MORC1: variants seen among roughly 807,000 people sequenced by gnomAD.
MORC1 encodes the protein MORC family CW-type zinc finger 1, also known as MORC family CW-type zinc finger protein 1.
In MORC1, 59 loss-of-function variants were observed where a neutral mutation model predicts 134.9. The ratio of observed to expected loss-of-function variants is 0.44; its 90% CI spans 0.35 to 0.54. MORC1 has a LOEUF of 0.54. MORC1 is among the 20% of genes least tolerant of loss of function. The pLI, the probability that MORC1 is intolerant of heterozygous loss-of-function variation, is 0.00. For synonymous variants in MORC1, 395 were observed against 391.7 expected (o/e 1.01, Z -0.10); for missense variants, 947 against 1,134.5 (o/e 0.83, Z 2.37).
chr3:109,103,554 C>T (rs962332686), intron 4 of MORC1, among the ~76,000 whole-genome samples: 1 of 152,178 alleles, frequency 6.6e-6, no homozygotes, highest in Non-Finnish European at 1.5e-5. Context: ...TATTCAGTGA[C>T]TATTTGTTTT....
Position 109,114,426 on chromosome 3 carries a change from C to T in MORC1, c.77G>A (p.Ser26Asn). The change falls in exon 2 of 28, where the codon AGT becomes AAT. Residue 26 changes from serine (S) to asparagine (N), a missense_variant. By Grantham distance (46) the Ser-to-Asn change is conservative. Coordinates refer to ENST00000232603, the MANE Select transcript of MORC1 (RefSeq NM_014429.4). ...TTCAGCCAGTGCTCCAAAAAGGAAA[C>T]TGTGAGTGGTGCTGATGAAGAAATA... ...DFIHANSTTH[S>N]FLFGALAELL... 6.2e-7 allele frequency: 1 copy of T among 1,613,148 alleles called. No homozygotes were observed. The highest frequency in any genetic ancestry group is 8.5e-7 in the Non-Finnish European group (1 of 1,179,460).
At chr3:109,094,848 C>T (rs1950799263) in intron 7 of MORC1, 61 bp downstream of exon 7, 2 of 1,454,596 alleles carry the variant, frequency 1.4e-6, no homozygotes, top group African/African-American at 1.4e-5. Flanking sequence ...TGTACAGTGT[C>T]TTTGATAAGA....
At chr3:109,032,620 A>T (rs1949266494) in intron 16 of MORC1, 100 bp downstream of exon 16, 1 of 800,736 alleles carries the variant, frequency 1.2e-6, no homozygotes, top group Non-Finnish European at 2.0e-6. Context: ...CCAGATACTA[A>T]GCTAAAATCT....
intron 17 of MORC1, 128 bp downstream of exon 17, chr3:109,027,623 G>T: frequency 5.0e-6 from 6 of 1,202,058 alleles, no homozygotes; most frequent in African/African-American, 1.6e-5. Context: ...AAAATTAAAA[G>T]ATGTCAAAAA....
chr3:109,004,794 C>T (rs768887253), intron 20 of MORC1, 23 bp downstream of exon 20: 3 of 1,603,350 alleles, frequency 1.9e-6, no homozygotes, highest in African/African-American at 1.3e-5. Context: ...CCCTTAAATA[C>T]AAATTTAAAA....
intron 12 of MORC1, 60 bp downstream of exon 12, chr3:109,059,746 C>G (rs1388523301): frequency 6.8e-7 from 1 of 1,472,854 alleles, no homozygotes; most frequent in Non-Finnish European, 9.3e-7. Context: ...TACTTAGAAA[C>G]CAGAATTTGT....
At chr3:108,969,298 G>C (rs1235385935) in intron 26 of MORC1, among the ~76,000 whole-genome samples, 1 of 151,946 alleles carries the variant, frequency 6.6e-6, no homozygotes, top group Non-Finnish European at 1.5e-5. Flanking sequence ...CTATTGATAA[G>C]GTACTTAAAA....
chr3:108,971,512 A>G (rs1576580303), intron 24 of MORC1, 110 bp from the exon 25 acceptor site: 1 of 851,810 alleles, frequency 1.2e-6, no homozygotes, highest in Middle Eastern at 2.3e-4. Flanking sequence ...GGCAAAGATG[A>G]ACATTAGTTC....
At chr3:109,052,969 A>G (rs1949864334) in intron 14 of MORC1, among the ~76,000 whole-genome samples, 1 of 152,138 alleles carries the variant, frequency 6.6e-6, no homozygotes, top group Non-Finnish European at 1.5e-5. Flanking sequence ...ACAAACAGAT[A>G]CTTCTCAGAA....
At chr3:108,974,710 G>T (rs1423968350) in intron 24 of MORC1, among the ~76,000 whole-genome samples, 2 of 152,174 alleles carry the variant, frequency 1.3e-5, no homozygotes, top group Non-Finnish European at 2.9e-5. Flanking sequence ...CATTTACTCA[G>T]AATTTTACGC....
Position 108,986,933 on chromosome 3 carries a change from T to C in MORC1, c.2204A>G (p.Asn735Ser). 1 of 1,573,830 alleles carries C rather than the reference T, an allele frequency of 6.4e-7. No individual in the cohort carries two copies. The highest frequency in any genetic ancestry group is 8.6e-7 in the Non-Finnish European group (1 of 1,165,090). ...TTCTTGTTTCAATGAAACATCAGTG[T>C]TGCTTTTATCTGAAACCTGAAAAAC... ...SDIILVSDKS[N>S]TDVSLKQEKK... The change falls in exon 22 of 28, where the codon AAC (asparagine) becomes AGC (serine). Residue 735 changes from asparagine to serine, a missense_variant. Asn to Ser is a conservative substitution (Grantham distance 46, BLOSUM62 1). This residue lies in a region of MORC1 where 722 missense variants were observed against 817.0 expected (regional missense o/e 0.88). Coordinates refer to ENST00000232603, the MANE Select transcript of MORC1 (RefSeq NM_014429.4).
At chr3:109,032,251 T>G (rs531203587) in intron 16 of MORC1, among the ~76,000 whole-genome samples, 1 of 152,314 alleles carries the variant, frequency 6.6e-6, no homozygotes, top group East Asian at 1.9e-4. Flanking sequence ...ATTGACATCC[T>G]TCAATATTTA....
chr3:108,968,341 T>C (rs1278372635), intron 26 of MORC1, among the ~76,000 whole-genome samples: 1 of 152,206 alleles, frequency 6.6e-6, no homozygotes, highest in East Asian at 1.9e-4. Flanking sequence ...GTCCAGTTGA[T>C]AGAAACATCA....
intron 8 of MORC1, among the ~76,000 whole-genome samples, chr3:109,073,785 T>G (rs889233712): frequency 2.0e-5 from 3 of 152,226 alleles, no homozygotes; most frequent in Non-Finnish European, 4.4e-5. Context: ...AGGGTTTGTA[T>G]TATCTTGAAT....
intron 2 of MORC1, among the ~76,000 whole-genome samples, chr3:109,112,610 G>C (rs756398482): frequency 2.6e-5 from 4 of 152,238 alleles, no homozygotes; most frequent in Non-Finnish European, 1.5e-5. Context: ...CTGGTCCCAA[G>C]AGAGCACCTG....
In MORC1 at chr3:109,063,287, A is replaced by C. The variant is rs1950123634; in HGVS notation, c.816-56T>G. 11 of 1,159,652 alleles carry C rather than the reference A, an allele frequency of 9.5e-6. No individual in the cohort carries two copies. In the South Asian group the frequency reaches 1.5e-4, roughly 16 times the overall value. The allele number at this position is 1,159,652 out of a possible 1,614,324, so 71.8% of individuals were successfully genotyped here. On this transcript the variant is annotated intron_variant, in intron 9 of 27. Coordinates refer to ENST00000232603, the MANE Select transcript of MORC1 (RefSeq NM_014429.4). ...TCAGATTATCATTTTAAAATACATA[A>C]GACAATATTCTTTAGTAAGACTATA...
chr3:108,973,920 C>G (rs1238161420), intron 24 of MORC1, among the ~76,000 whole-genome samples: 1 of 152,108 alleles, frequency 6.6e-6, no homozygotes, highest in Non-Finnish European at 1.5e-5. Flanking sequence ...TTATAAAGTA[C>G]TAGAATTGTG....
chr3:109,074,395 A>C (rs1358260699), intron 8 of MORC1, among the ~76,000 whole-genome samples: 1 of 152,220 alleles, frequency 6.6e-6, no homozygotes, highest in Non-Finnish European at 1.5e-5. Context: ...ACATGAGCAC[A>C]CAAAAATAAT....
intron 14 of MORC1, among the ~76,000 whole-genome samples, chr3:109,044,676 G>A (rs1202901750): frequency 1.3e-5 from 2 of 152,056 alleles, no homozygotes; most frequent in African/African-American, 4.8e-5. Flanking sequence ...GGGGCATGGT[G>A]GCTCATGCCT....
Sources: gnomAD v4.1 joint callset for allele counts (sites outside exome capture counted in the v4.1 genomes callset) on GRCh38, gnomAD v4.1.1 for gene constraint, gnomAD v4.1.1 regional missense constraint, MANE v1.5 for transcripts, NCBI Gene and HGNC (gene_info 2026-07-23, HGNC 2026-07-21) for gene names.